Variants in HHIP observed in about 807,000 individuals in gnomAD.
The protein encoded by HHIP is hedgehog-interacting protein.
In HHIP, 12 loss-of-function variants were observed where a neutral mutation model predicts 74.0. That is an observed-to-expected ratio of 0.16 (90% confidence interval 0.10 to 0.26). The LOEUF (loss-of-function observed/expected upper bound fraction) is 0.26. HHIP is among the 10% of genes least tolerant of loss of function. The pLI, the probability that HHIP is intolerant of heterozygous loss-of-function variation, is 1.00. For missense variants in HHIP, 788 were observed against 845.0 expected (o/e 0.93, Z 0.84); for synonymous variants, 309 against 311.6 (o/e 0.99, Z 0.09).
intron 4 of HHIP, among the ~76,000 whole-genome samples, chr4:144,680,497 C>T (rs927919093): frequency 6.6e-6 from 1 of 152,162 alleles, no homozygotes; most frequent in African/African-American, 2.4e-5. Context: ...GATCAAAAAA[C>T]TGACAGATTT....
intron 10 of HHIP, among the ~76,000 whole-genome samples, chr4:144,717,789 C>T (rs1730500088): frequency 6.6e-6 from 1 of 152,006 alleles, no homozygotes; most frequent in South Asian, 2.1e-4. Context: ...CTCCCCTCTC[C>T]CCCAGTGTTT....
chr4:144,656,825 A>G (rs1728571301), intron 2 of HHIP, among the ~76,000 whole-genome samples: 1 of 152,026 alleles, frequency 6.6e-6, no homozygotes, highest in African/African-American at 2.4e-5. Context: ...TACCTCTAAG[A>G]GACTTGTTTA....
At chr4:144,702,428 T>G (rs1275364503) in intron 4 of HHIP, among the ~76,000 whole-genome samples, 1 of 152,236 alleles carries the variant, frequency 6.6e-6, no homozygotes, top group Non-Finnish European at 1.5e-5. Flanking sequence ...GAATGGCAGA[T>G]AGTTAAACAC....
intron 4 of HHIP, among the ~76,000 whole-genome samples, chr4:144,663,775 G>A (rs1275452442): frequency 2.0e-5 from 3 of 152,130 alleles, no homozygotes; most frequent in Non-Finnish European, 4.4e-5. Context: ...TGCTCAGCTA[G>A]TTGGCAAAAT....
chr4:144,738,476 T>C lies in HHIP; in HGVS notation c.*519T>C. The stretch of plus-strand genomic sequence containing the variant: ...TGAGCAACTTGATATAAAATTGTAA[T>C]CTTCATTTTTGTCAGTGTATCCAGT... On this transcript the variant is annotated 3_prime_UTR_variant, in exon 13 of 13. Transcript: ENST00000296575. 3 of 982,146 alleles carry C rather than the reference T, an allele frequency of 3.1e-6. No homozygotes were observed. The highest frequency in any genetic ancestry group is 3.6e-6 in the Non-Finnish European group (3 of 826,610). 60.8% of individuals were successfully genotyped at this position (982,146 alleles called of 1,614,324 possible).
At chr4:144,670,488 T>A (rs1729004523) in intron 4 of HHIP, among the ~76,000 whole-genome samples, 1 of 151,704 alleles carries the variant, frequency 6.6e-6, no homozygotes, top group Non-Finnish European at 1.5e-5. Context: ...TTATTTACTT[T>A]TAGTTTGGTG....
At chr4:144,675,906 A>G (rs1729157290) in intron 4 of HHIP, among the ~76,000 whole-genome samples, 1 of 152,208 alleles carries the variant, frequency 6.6e-6, no homozygotes, top group Non-Finnish European at 1.5e-5. Context: ...TGCATTTGAT[A>G]TCAATCCTTT....
intron 4 of HHIP, among the ~76,000 whole-genome samples, chr4:144,703,546 A>G (rs1179592354): frequency 6.6e-6 from 1 of 152,146 alleles, no homozygotes; most frequent in Non-Finnish European, 1.5e-5. Context: ...GTTTTTTTCT[A>G]CTGAGCCTCT....
chr4:144,717,630 G>A (rs1391270113), intron 10 of HHIP, among the ~76,000 whole-genome samples: 5 of 152,108 alleles, frequency 3.3e-5, no homozygotes, highest in South Asian at 4.2e-4. Context: ...GGTGATAAAC[G>A]GGGTGGTTTT....
intron 2 of HHIP, among the ~76,000 whole-genome samples, chr4:144,657,482 A>G (rs1201713538): frequency 1.3e-5 from 2 of 152,186 alleles, no homozygotes; most frequent in African/African-American, 4.8e-5. Context: ...AGAAGCAGCA[A>G]TTTAGGACCA....
chr4:144,722,908 C>G (rs1288134828), intron 11 of HHIP, among the ~76,000 whole-genome samples: 1 of 151,984 alleles, frequency 6.6e-6, no homozygotes, highest in African/African-American at 2.4e-5. Flanking sequence ...CTTGGATGCT[C>G]TTTGCTAAAT....
chr4:144,738,361 G>A lies in HHIP; in HGVS notation c.*404G>A, dbSNP rs1306390532. The A allele has an allele frequency of 1.4e-5, 14 of 978,454 alleles. No homozygotes were observed. The highest frequency in any genetic ancestry group is 1.1e-4 in the East Asian group (1 of 8,794). 60.6% of individuals were successfully genotyped at this position (978,454 alleles called of 1,614,324 possible). ...GTTTTGAAACAGTACTGTGCAATCCGATGGATCTAATTAAAAAAAAGGCAA... is the reference window on the plus strand; with the variant it reads ...GTTTTGAAACAGTACTGTGCAATCCAATGGATCTAATTAAAAAAAAGGCAA... On this transcript the variant is annotated 3_prime_UTR_variant, in exon 13 of 13. Transcript: ENST00000296575.
intron 4 of HHIP, among the ~76,000 whole-genome samples, chr4:144,666,664 A>C (rs1318272454): frequency 1.3e-5 from 2 of 152,174 alleles, no homozygotes; most frequent in Non-Finnish European, 2.9e-5. Flanking sequence ...AATGAGTGGC[A>C]CTGCATGAGA....
chr4:144,742,360 G>A lies in HHIP; in HGVS notation c.*4403G>A, dbSNP rs778478771. ...TACAATCATTGAAAGAAATAAGGAAGAGCAGAAATCACTAACAGTCCAGAG... is the reference window on the plus strand; with the variant it reads ...TACAATCATTGAAAGAAATAAGGAAAAGCAGAAATCACTAACAGTCCAGAG... On this transcript the variant is annotated 3_prime_UTR_variant, in exon 13 of 13. Coordinates refer to ENST00000296575, the MANE Select transcript of HHIP (RefSeq NM_022475.3). The A allele has an allele frequency of 2.6e-5, 4 of 152,134 alleles. No individual in the cohort carries two copies. Among genetic ancestry groups the A allele is most frequent in the Non-Finnish European group, 4.4e-5 (3 of 68,032 alleles). 9.4% of individuals were successfully genotyped at this position (152,134 alleles called of 1,614,324 possible).
chr4:144,702,631 T>A (rs1283512199), intron 4 of HHIP, among the ~76,000 whole-genome samples: 1 of 151,602 alleles, frequency 6.6e-6, no homozygotes, highest in Non-Finnish European at 1.5e-5. Flanking sequence ...GAAGAGGGGG[T>A]CTTGTGGCAG....
At position 144,708,038 on chromosome 4, in the gene HHIP, C is replaced by T. The variant is rs972151084; in HGVS notation, c.1158-130C>T. ...GATTACAGACGTGAGCCACTGCATC[C>T]AGCCACTTTAATATTTTATTTCAAC... On this transcript the variant is annotated intron_variant, in intron 6 of 12. Coordinates refer to ENST00000296575, the MANE Select transcript of HHIP (RefSeq NM_022475.3). 8 of 965,470 alleles carry T rather than the reference C, an allele frequency of 8.3e-6. No individual in the cohort carries two copies. In the African/African-American group the frequency reaches 1.3e-4, roughly 16 times the overall value. The allele number at this position is 965,470 out of a possible 1,614,324, so 59.8% of individuals were successfully genotyped here.
chr4:144,738,167 T>G lies in HHIP; in HGVS notation c.*210T>G. ...CATACACATACTCATAACCCCTATA[T>G]GCGTTGTTGCATAACAGATGATTTT... On this transcript the variant is annotated 3_prime_UTR_variant, in exon 13 of 13. Coordinates refer to ENST00000296575, the MANE Select transcript of HHIP (RefSeq NM_022475.3). 1 of 1,174,134 alleles carries G rather than the reference T, an allele frequency of 8.5e-7. No homozygotes were observed. The highest frequency in any genetic ancestry group is 3.7e-5 in the East Asian group (1 of 26,712). 72.7% of individuals were successfully genotyped at this position (1,174,134 alleles called of 1,614,324 possible).
In HHIP at chr4:144,652,697, C is replaced by A. The variant is rs761646172; in HGVS notation, c.372C>A (p.His124Gln). Residue 124 changes from histidine (H) to glutamine (Q), a missense_variant, in exon 2 of 13, where the codon CAC becomes CAA. Physicochemically the swap from His to Gln is conservative, Grantham distance 24. This residue lies in a region of HHIP where 373 missense variants were observed against 366.4 expected (regional missense o/e 1.02). Transcript: ENST00000296575. ...LCSPHSQSLF[H>Q]SPEREVLERD... Reference sequence around the variant, plus strand: ...CTCCACATTCTCAAAGCCTGTTCCACTCACCTGAGAGAGAAGTCTTGGAAA... The same window carrying A: ...CTCCACATTCTCAAAGCCTGTTCCAATCACCTGAGAGAGAAGTCTTGGAAA... 6.2e-7 allele frequency: 1 copy of A among 1,611,278 alleles called. No homozygotes were observed. Among genetic ancestry groups the A allele is most frequent in the Non-Finnish European group, 8.5e-7 (1 of 1,177,542 alleles).
chr4:144,714,429 CA>C (rs2126664405), intron 9 of HHIP, 81 bp downstream of exon 9: 1 of 1,371,996 alleles, frequency 7.3e-7, no homozygotes, highest in East Asian at 2.3e-5. Context: ...ACAAAATATT[CA>C]AATGATTGTC....
Sources: gnomAD v4.1 joint callset for allele counts (sites outside exome capture counted in the v4.1 genomes callset) on GRCh38, gnomAD v4.1.1 for gene constraint, gnomAD v4.1.1 regional missense constraint, MANE v1.5 for transcripts, NCBI Gene and HGNC (gene_info 2026-07-23, HGNC 2026-07-21) for gene names.